Variants in SPIDR observed in about 807,000 individuals in gnomAD.
The protein encoded by SPIDR is scaffold protein involved in DNA repair, also known as DNA repair-scaffolding protein.
Under a neutral mutation model 104.6 loss-of-function variants are expected in SPIDR, and 93 were observed. The ratio of observed to expected loss-of-function variants is 0.89; its 90% confidence interval spans 0.75 to 1.06. The LOEUF (loss-of-function observed/expected upper bound fraction) is 1.06, where lower values mean the gene tolerates loss of function less well. Ranked by LOEUF, SPIDR falls within the 50% of genes least tolerant of loss-of-function variation. The probability of loss-of-function intolerance (pLI) is 0.00; values close to 1 mark genes in which losing one functional copy is unlikely to be tolerated. For synonymous variants in SPIDR, 431 were observed against 416.9 expected (o/e 1.03, Z -0.41); for missense variants, 1,154 against 1,111.2 (o/e 1.04, Z -0.55).
intron 19 of SPIDR, among the ~76,000 whole-genome samples, chr8:47,730,888 CATGGATA>C (rs2085095596): frequency 6.6e-6 from 1 of 152,214 alleles, no homozygotes; most frequent in African/African-American, 2.4e-5. Flanking sequence ...TAAATTGGAA[CATGGATA>C]AGTCTATGAG....
intron 10 of SPIDR, among the ~76,000 whole-genome samples, chr8:47,621,604 C>T (rs747215941): frequency 3.9e-5 from 6 of 152,206 alleles, no homozygotes; most frequent in Admixed American, 1.3e-4. Flanking sequence ...CTCTCAGTGC[C>T]GTCTGGCACA....
intron 8 of SPIDR, among the ~76,000 whole-genome samples, chr8:47,543,004 G>T (rs190303044): frequency 2.0e-5 from 3 of 152,338 alleles, no homozygotes; most frequent in Admixed American, 2.0e-4. Context: ...CATCCCAGTT[G>T]TTGCATGTAT....
intron 5 of SPIDR, among the ~76,000 whole-genome samples, chr8:47,364,768 G>C (rs2056864166): frequency 6.6e-6 from 1 of 152,190 alleles, no homozygotes; most frequent in South Asian, 2.1e-4. Context: ...TTAAAAAGCA[G>C]ATTTGCCTGT....
intron 11 of SPIDR, among the ~76,000 whole-genome samples, chr8:47,695,616 A>G (rs1233080197): frequency 1.3e-5 from 2 of 152,194 alleles, no homozygotes; most frequent in Non-Finnish European, 2.9e-5. Context: ...CCCTGAAATA[A>G]CTAAGAGAAT....
chr8:47,545,438 G>C (rs2089186922), intron 8 of SPIDR, among the ~76,000 whole-genome samples: 1 of 151,850 alleles, frequency 6.6e-6, no homozygotes, highest in Non-Finnish European at 1.5e-5. Flanking sequence ...ATGTATTCTA[G>C]TTTGCTAGTA....
chr8:47,403,882 C>T (rs978985034), intron 6 of SPIDR, among the ~76,000 whole-genome samples: 6 of 152,112 alleles, frequency 3.9e-5, no homozygotes, highest in African/African-American at 7.2e-5. Context: ...CAAAAAGAGC[C>T]GCATTGCCAA....
intron 1 of SPIDR, among the ~76,000 whole-genome samples, chr8:47,266,704 A>G (rs1425047830): frequency 6.6e-6 from 1 of 152,172 alleles, no homozygotes; most frequent in Non-Finnish European, 1.5e-5. Context: ...CAAAGTGGTT[A>G]TATCTGTATA....
intron 10 of SPIDR, among the ~76,000 whole-genome samples, chr8:47,615,899 T>C (rs2064243220): frequency 6.6e-6 from 1 of 152,166 alleles, no homozygotes; most frequent in African/African-American, 2.4e-5. Context: ...ACAAGTCTTA[T>C]ATTTCCTTAT....
chr8:47,339,041 C>A (rs1340479103), intron 5 of SPIDR, among the ~76,000 whole-genome samples: 1 of 152,172 alleles, frequency 6.6e-6, no homozygotes, highest in Non-Finnish European at 1.5e-5. Flanking sequence ...CAAGAGGTCA[C>A]TATTAACTAG....
intron 5 of SPIDR, 147 bp downstream of exon 5, chr8:47,294,177 T>A: frequency 2.0e-6 from 2 of 989,556 alleles, no homozygotes; most frequent in Non-Finnish European, 2.9e-6. Flanking sequence ...CTTTACTCAC[T>A]TATCTCTAAA....
chr8:47,606,890 T>C (rs965560476), intron 10 of SPIDR, among the ~76,000 whole-genome samples: 4 of 152,220 alleles, frequency 2.6e-5, no homozygotes, highest in Non-Finnish European at 1.5e-5. Flanking sequence ...CAGGGTGGCA[T>C]ACATTCCTTC....
At chr8:47,500,898 G>C (rs2080301390) in intron 8 of SPIDR, among the ~76,000 whole-genome samples, 1 of 152,138 alleles carries the variant, frequency 6.6e-6, no homozygotes, top group African/African-American at 2.4e-5. Context: ...ATTAAATAGG[G>C]AATCCTTTCC....
intron 10 of SPIDR, among the ~76,000 whole-genome samples, chr8:47,616,211 G>C (rs2064292123): frequency 6.6e-6 from 1 of 152,140 alleles, no homozygotes; most frequent in Middle Eastern, 3.2e-3. Context: ...GCGTTGAATG[G>C]AAGTAGCAAA....
chr8:47,306,297 C>T (rs1249354293), intron 5 of SPIDR, among the ~76,000 whole-genome samples: 12 of 151,990 alleles, frequency 7.9e-5, no homozygotes, highest in South Asian at 6.2e-4. Flanking sequence ...CACGCCACCA[C>T]GCCTAGCTAA....
At chr8:47,566,525 T>A (rs1322161896) in intron 8 of SPIDR, among the ~76,000 whole-genome samples, 1 of 152,112 alleles carries the variant, frequency 6.6e-6, no homozygotes, top group Non-Finnish European at 1.5e-5. Context: ...ACTGAGTATC[T>A]TTTTTTATTT....
chr8:47,625,153 T>C (rs902083343), intron 10 of SPIDR, among the ~76,000 whole-genome samples: 9 of 152,190 alleles, frequency 5.9e-5, no homozygotes, highest in South Asian at 2.1e-4. Flanking sequence ...ATTATCTCAA[T>C]AGAGGCACAA....
intron 8 of SPIDR, chr8:47,511,170 A>C (rs754610329): frequency 2.5e-4 from 398 of 1,563,132 alleles, no homozygotes; most frequent in Non-Finnish European, 5.0e-5. Flanking sequence ...GGGCATCCAC[A>C]ATGAAGAGTT....
intron 8 of SPIDR, among the ~76,000 whole-genome samples, chr8:47,498,478 A>G (rs1233288075): frequency 6.6e-6 from 1 of 152,184 alleles, no homozygotes; most frequent in Non-Finnish European, 1.5e-5. Flanking sequence ...AGTAATACAA[A>G]ACAATGCTTA....
intron 5 of SPIDR, among the ~76,000 whole-genome samples, chr8:47,378,933 A>C (rs2059001246): frequency 6.6e-6 from 1 of 152,186 alleles, no homozygotes; most frequent in African/African-American, 2.4e-5. Flanking sequence ...CCAGATGTAA[A>C]TCTCTAAAGA....
Sources: gnomAD v4.1 joint callset for allele counts (sites outside exome capture counted in the v4.1 genomes callset) on GRCh38, gnomAD v4.1.1 for gene constraint, MANE v1.5 for transcripts, NCBI Gene and HGNC (gene_info 2026-07-23, HGNC 2026-07-21) for gene names.